Variants in PHF3 observed in about 807,000 individuals in gnomAD.
PHF3 encodes PHD finger protein 3.
PHF3 carries 41 observed loss-of-function variants against 178.4 expected under a neutral mutation model. The observed-to-expected ratio is 0.23, with a 90% CI of 0.18 to 0.30. The LOEUF is 0.30. PHF3 is among the 10% of genes least tolerant of loss of function. PHF3 has a pLI of 1.00. For missense variants in PHF3, 2,346 were observed against 2,398.1 expected, an observed-to-expected ratio of 0.98 and a Z score of 0.45; for synonymous variants, 842 against 800.5, an observed-to-expected ratio of 1.05 and a Z score of -0.88.
rs1027021336 is a variant in PHF3, at chr6:63,725,137, C to T, written c.*11429C>T. ...AATATTTAAAAATTTTCATGATTTTCTTATATAAGTGTCAAATGCAGCATC... is the reference window on the plus strand; with the variant it reads ...AATATTTAAAAATTTTCATGATTTTTTTATATAAGTGTCAAATGCAGCATC... On this transcript the variant is annotated 3_prime_UTR_variant, in exon 16 of 16. Coordinates refer to ENST00000262043, the MANE Select transcript of PHF3 (RefSeq NM_001370348.2). 1.3e-5 allele frequency among the ~76,000 whole-genome samples: 2 copies of T among 151,968 alleles called. No homozygotes were observed. Among genetic ancestry groups the T allele is most frequent in the Non-Finnish European group, 2.9e-5 (2 of 67,918 alleles).
intron 2 of PHF3, among the ~76,000 whole-genome samples, chr6:63,672,277 A>G (rs2149569714): frequency 6.6e-6 from 1 of 152,346 alleles, no homozygotes; most frequent in Non-Finnish European, 1.5e-5. Flanking sequence ...AACAATTAGG[A>G]AGCAATCCAT....
intron 3 of PHF3, among the ~76,000 whole-genome samples, chr6:63,683,031 G>A (rs1480359609): frequency 6.6e-6 from 1 of 151,800 alleles, no homozygotes; most frequent in African/African-American, 2.4e-5. Flanking sequence ...CTGAATATGT[G>A]ATAAATAGTT....
At position 63,685,353 on chromosome 6, in the gene PHF3, C is replaced by T; in HGVS notation, c.1631C>T (p.Pro544Leu). 2 of 1,613,878 alleles carry T rather than the reference C, an allele frequency of 1.2e-6. No homozygotes were observed. The highest frequency in any genetic ancestry group is 1.7e-5 in the Admixed American group (1 of 60,012). Residue 544 changes from proline to leucine, a missense_variant, in exon 4 of 16, where the codon CCA becomes CTA. Pro to Leu is a moderately conservative substitution (Grantham distance 98, BLOSUM62 -3). Around this residue, in one of 8 missense-constraint regions of PHF3, gnomAD observed 843 missense variants for 795.2 expected, o/e 1.06. Transcript: ENST00000262043. ...VPESQQNFHRPVKVRKKQIDK... is the reference protein window; with the variant it reads ...VPESQQNFHRLVKVRKKQIDK... The stretch of plus-strand genomic sequence containing the variant: ...GAATCTCAGCAAAATTTTCATAGGC[C>T]AGTCAAAGTCAGAAAAAAACAAATT...
At position 63,694,607 on chromosome 6, in the gene PHF3, A is replaced by G; in HGVS notation, c.2523A>G (p.Ser841=). 6.4e-7 allele frequency: 1 copy of G among 1,551,856 alleles called. No individual in the cohort carries two copies. The highest frequency in any genetic ancestry group is 8.7e-7 in the Non-Finnish European group (1 of 1,148,608). Residue 841 remains serine, a synonymous_variant, in exon 6 of 16, where the codon TCA becomes TCG. Coordinates refer to ENST00000262043, the MANE Select transcript of PHF3 (RefSeq NM_001370348.2). The part of the protein sequence containing the change: ...KRESGEGRNS[S]DCRDNEIKKW... ...AGTCTGGTGAAGGCAGAAATTCATC[A>G]GACTGTAGAGATAATGAAATTAAAA...
At position 63,712,207 on chromosome 6, in the gene PHF3, T is replaced by C; in HGVS notation, c.4619T>C (p.Ile1540Thr). 1 of 1,614,006 alleles carries C rather than the reference T, an allele frequency of 6.2e-7. No homozygotes were observed. The highest frequency in any genetic ancestry group is 1.1e-5 in the South Asian group (1 of 91,084). ...GAATCTACAGATAAGTCAGCAGAAATAGAAACATCAGTAGTAGGGTCCTCT... is the reference window on the plus strand; with the variant it reads ...GAATCTACAGATAAGTCAGCAGAAACAGAAACATCAGTAGTAGGGTCCTCT... ...ISESTDKSAE[I>T]ETSVVGSSSI... The change falls in exon 16 of 16, where the codon ATA becomes ACA. Residue 1540 changes from isoleucine (I) to threonine (T), a missense_variant. Coordinates refer to ENST00000262043, the MANE Select transcript of PHF3 (RefSeq NM_001370348.2).
rs1441845742 is a variant in PHF3 at position 63,720,854 on chromosome 6, G to C, written c.*7146G>C. 2.6e-6 allele frequency: 4 copies of C among 1,551,164 alleles called. No individual in the cohort carries two copies. Among genetic ancestry groups the C allele is most frequent in the South Asian group, 1.2e-5 (1 of 84,056 alleles). ...CGGAAAGAATTAGACTGTTATTTAT[G>C]TAGGCCTTGATAAGAGTCTGATTTT... On this transcript the variant is annotated 3_prime_UTR_variant, in exon 16 of 16. Coordinates refer to ENST00000262043, the MANE Select transcript of PHF3 (RefSeq NM_001370348.2).
intron 2 of PHF3, among the ~76,000 whole-genome samples, chr6:63,649,782 A>G (rs185599467): frequency 1.3e-5 from 2 of 152,302 alleles, no homozygotes; most frequent in East Asian, 1.9e-4. Context: ...GTGTTTGCAT[A>G]TGGTTTTTAG....
chr6:63,687,106 A>G (rs1766744915), intron 4 of PHF3, among the ~76,000 whole-genome samples: 1 of 152,128 alleles, frequency 6.6e-6, no homozygotes, highest in Non-Finnish European at 1.5e-5. Flanking sequence ...GCTCTTAATT[A>G]TATGGTTTTT....
intron 6 of PHF3, among the ~76,000 whole-genome samples, chr6:63,695,059 T>C (rs1767176959): frequency 6.6e-6 from 1 of 152,096 alleles, no homozygotes; most frequent in Non-Finnish European, 1.5e-5. Context: ...ATTTTACAGC[T>C]TGAGAAGAAA....
rs950251348 is a variant in PHF3 at position 63,706,075 on chromosome 6, A to C, written c.3414A>C (p.Lys1138Asn). Residue 1138 changes from lysine (K) to asparagine (N), a missense_variant, in exon 12 of 16, where the codon AAA becomes AAC. By Grantham distance (94) the Lys-to-Asn change is moderately conservative. Around this residue, in one of 8 missense-constraint regions of PHF3, gnomAD observed 205 missense variants for 212.4 expected, o/e 0.97. Coordinates refer to ENST00000262043, the MANE Select transcript of PHF3 (RefSeq NM_001370348.2). Reference protein sequence around the residue: ...PVDDLSPKKVKVVVGVARKHS... With the variant: ...PVDDLSPKKVNVVVGVARKHS... ...ATGATCTTTCTCCAAAAAAAGTAAA[A>C]GTTGTTGTAGGAGTAGCTCGCAAAC... is the stretch of plus-strand genomic sequence containing the variant. The C allele has an allele frequency of 1.9e-6, 3 of 1,613,716 alleles. No homozygotes were observed. Among genetic ancestry groups the C allele is most frequent in the Non-Finnish European group, 2.5e-6 (3 of 1,179,948 alleles).
rs546089429 is a variant in PHF3 at position 63,718,161 on chromosome 6, G to T, written c.*4453G>T. Among the ~76,000 whole-genome samples, 2 of 152,000 alleles carry T rather than the reference G, an allele frequency of 1.3e-5. No individual in the cohort carries two copies. The highest frequency in any genetic ancestry group is 2.4e-5 in the African/African-American group (1 of 41,430). On this transcript the variant is annotated 3_prime_UTR_variant, in exon 16 of 16. Transcript: ENST00000262043. ...ATAGGAGAAAAGGCAGCAGTTTTCA[G>T]TTCTTAAATATTGTCTGCCTATTCT...
chr6:63,641,777 C>T (rs1764588054), intron 1 of PHF3, among the ~76,000 whole-genome samples: 1 of 151,888 alleles, frequency 6.6e-6, no homozygotes, highest in Non-Finnish European at 1.5e-5. Flanking sequence ...CAGGCATGCA[C>T]CACCACACTC....
chr6:63,644,536 A>G (rs2149537552), intron 1 of PHF3, among the ~76,000 whole-genome samples: 1 of 152,232 alleles, frequency 6.6e-6, no homozygotes, highest in South Asian at 2.1e-4. Context: ...GCTAGCTACA[A>G]TTTTCTGTCA....
Position 63,716,934 on chromosome 6 carries a change from T to C in PHF3, c.*3226T>C, listed in dbSNP as rs1768207585. 6.6e-6 allele frequency among the ~76,000 whole-genome samples: 1 copy of C among 152,062 alleles called. No individual in the cohort carries two copies. Among genetic ancestry groups the C allele is most frequent in the Admixed American group, 6.6e-5 (1 of 15,220 alleles). On this transcript the variant is annotated 3_prime_UTR_variant, in exon 16 of 16. Transcript: ENST00000262043. ...TTCCATCTGTGACCTTAATTCCCTA[T>C]TCCCATGTAACCTAACATATTTACA...
intron 4 of PHF3, among the ~76,000 whole-genome samples, chr6:63,688,942 G>A (rs1312440856): frequency 7.9e-5 from 12 of 152,092 alleles, no homozygotes; most frequent in Admixed American, 6.5e-4. Flanking sequence ...ATCATTTTAC[G>A]TATTGCAGTT....
rs895705725 is a variant in PHF3, at chr6:63,712,643, A to C, written c.5055A>C (p.Ser1685=). 6.2e-7 allele frequency: 1 copy of C among 1,613,848 alleles called. No homozygotes were observed. Among genetic ancestry groups the C allele is most frequent in the African/African-American group, 1.3e-5 (1 of 74,896 alleles). Residue 1685 remains serine (S), a synonymous_variant, in exon 16 of 16, where the codon TCA becomes TCC. Coordinates refer to ENST00000262043, the MANE Select transcript of PHF3 (RefSeq NM_001370348.2). ...NGEKHMLPGL[S]HNKEHLTEQI... ...AAAAACACATGCTGCCTGGCCTGTCACACAACAAGGAGCACTTAACAGAAC... is the reference window on the plus strand; with the variant it reads ...AAAAACACATGCTGCCTGGCCTGTCCCACAACAAGGAGCACTTAACAGAAC...
Position 63,712,978 on chromosome 6 carries a change from C to G in PHF3, c.5390C>G (p.Pro1797Arg). Residue 1797 changes from proline to arginine, a missense_variant, in exon 16 of 16, where the codon CCC becomes CGC. Coordinates refer to ENST00000262043, the MANE Select transcript of PHF3 (RefSeq NM_001370348.2). Reference sequence around the variant, plus strand: ...CCCAGAACAAGTACAAACTTTTCACCCATGAGGCCACAGCAGCCCAACCTT... The same window carrying G: ...CCCAGAACAAGTACAAACTTTTCACGCATGAGGCCACAGCAGCCCAACCTT... ...TSPRTSTNFS[P>R]MRPQQPNLQH... 1 of 1,614,020 alleles carries G rather than the reference C, an allele frequency of 6.2e-7. No individual in the cohort carries two copies. The highest frequency in any genetic ancestry group is 2.2e-5 in the East Asian group (1 of 44,880).
intron 2 of PHF3, 89 bp downstream of exon 2, chr6:63,646,884 CTTTTTTT>C (rs745751113): frequency 3.0e-5 from 18 of 596,552 alleles, no homozygotes; most frequent in Non-Finnish European, 3.5e-5. Context: ...TTCTTTTTTT[CTTTTTTT>C]TTTTTTTAAT....
At chr6:63,651,534 G>A (rs2149545281) in intron 2 of PHF3, among the ~76,000 whole-genome samples, 1 of 152,106 alleles carries the variant, frequency 6.6e-6, no homozygotes, top group South Asian at 2.1e-4. Flanking sequence ...GCTAGTTTTT[G>A]TATTTTTGGT....
Sources: gnomAD v4.1 joint callset for allele counts (sites outside exome capture counted in the v4.1 genomes callset) on GRCh38, gnomAD v4.1.1 for gene constraint, gnomAD v4.1.1 regional missense constraint, MANE v1.5 for transcripts, NCBI Gene and HGNC (gene_info 2026-07-23, HGNC 2026-07-21) for gene names.